TEC: variants seen among roughly 807,000 people sequenced by gnomAD.
TEC encodes tec protein tyrosine kinase.
TEC carries 72 observed loss-of-function variants against 93.0 expected under a neutral mutation model. The observed-to-expected ratio is 0.77, with a 90% confidence interval of 0.64 to 0.94. The LOEUF (loss-of-function observed/expected upper bound fraction) is 0.94, where lower values mean the gene tolerates loss of function less well. TEC is among the 40% of genes least tolerant of loss of function. The pLI is 0.00. For synonymous variants in TEC, 249 were observed against 247.7 expected (o/e 1.01, Z -0.05); for missense variants, 630 against 757.9 (o/e 0.83, Z 1.98).
rs147249693 is a variant in TEC, at chr4:48,163,435, G to C, written c.737+267C>G. On this transcript the variant is annotated intron_variant, in intron 8 of 17. Coordinates refer to ENST00000381501, the MANE Select transcript of TEC (RefSeq NM_003215.3). ...TCTGTATTTCAAAGTCAGCTAATCT[G>C]TGATTTATTTCAAATCAATTCAATT... 3.6e-3 allele frequency among the ~76,000 whole-genome samples: 553 copies of C among 152,232 alleles called. 17 individuals are homozygous for C. The highest frequency in any genetic ancestry group is 0.034 in the Admixed American group (515 of 15,284).
At chr4:48,230,113 C>A (rs1264141245) in intron 1 of TEC, among the ~76,000 whole-genome samples, 2 of 149,558 alleles carry the variant, frequency 1.3e-5, no homozygotes, top group Non-Finnish European at 3.0e-5. Flanking sequence ...AAATAAATAA[C>A]TGCATATTAA....
At chr4:48,211,973 C>T (rs1042170741) in intron 2 of TEC, among the ~76,000 whole-genome samples, 38 of 151,514 alleles carry the variant, frequency 2.5e-4, no homozygotes, top group Admixed American at 1.2e-3. Flanking sequence ...GTGGCACGCA[C>T]CTGTAGTCCC....
chr4:48,197,297 G>A (rs748860158), intron 2 of TEC, among the ~76,000 whole-genome samples: 4 of 152,104 alleles, frequency 2.6e-5, no homozygotes, highest in Non-Finnish European at 4.4e-5. Flanking sequence ...TGCAACCTTG[G>A]GCAAAGTACT....
intron 8 of TEC, among the ~76,000 whole-genome samples, chr4:48,159,085 A>C (rs1487374521): frequency 1.6e-5 from 2 of 126,904 alleles, no homozygotes; most frequent in Non-Finnish European, 3.1e-5. Context: ...CCAGGCAAGA[A>C]AAAAAAAAAA....
At chr4:48,237,789 C>A (rs1438011894) in intron 1 of TEC, among the ~76,000 whole-genome samples, 1 of 152,172 alleles carries the variant, frequency 6.6e-6, no homozygotes, top group Non-Finnish European at 1.5e-5. Context: ...GAACAGGTGA[C>A]CTTATTTCAC....
At chr4:48,253,192 A>G (rs1577672835) in intron 1 of TEC, among the ~76,000 whole-genome samples, 1 of 152,308 alleles carries the variant, frequency 6.6e-6, no homozygotes, top group South Asian at 2.1e-4. Context: ...CTTACTTTTT[A>G]TTCATCAGGC....
At chr4:48,160,884 C>G (rs887406126) in intron 8 of TEC, among the ~76,000 whole-genome samples, 1 of 90,788 alleles carries the variant, frequency 1.1e-5, no homozygotes, top group African/African-American at 4.1e-5. Flanking sequence ...TCAAAAGCAG[C>G]GGGTTGAAAA....
At chr4:48,180,967 C>T (rs896883070) in intron 2 of TEC, among the ~76,000 whole-genome samples, 1 of 152,064 alleles carries the variant, frequency 6.6e-6, no homozygotes, top group African/African-American at 2.4e-5. Context: ...AGCAAAGACA[C>T]CAGATAATTT....
At chr4:48,192,520 T>A (rs889852466) in intron 2 of TEC, among the ~76,000 whole-genome samples, 1 of 152,186 alleles carries the variant, frequency 6.6e-6, no homozygotes, top group Non-Finnish European at 1.5e-5. Flanking sequence ...ACCTGTATAA[T>A]GCTGAAAAAA....
intron 1 of TEC, among the ~76,000 whole-genome samples, chr4:48,230,339 ACAT>A (rs1345240751): frequency 6.6e-6 from 1 of 152,194 alleles, no homozygotes; most frequent in Non-Finnish European, 1.5e-5. Flanking sequence ...TTCTCTCTGA[ACAT>A]CAGTTCCTTC....
chr4:48,208,145 A>C (rs1722778373), intron 2 of TEC, among the ~76,000 whole-genome samples: 1 of 152,202 alleles, frequency 6.6e-6, no homozygotes, highest in Admixed American at 6.5e-5. Flanking sequence ...GGTCTCCTCT[A>C]TCCCACTTAG....
intron 2 of TEC, among the ~76,000 whole-genome samples, chr4:48,215,491 A>G (rs1419685172): frequency 5.3e-5 from 8 of 152,246 alleles, no homozygotes; most frequent in South Asian, 2.1e-4. Flanking sequence ...TGGGCAATAG[A>G]GTGAGACCCT....
intron 5 of TEC, among the ~76,000 whole-genome samples, chr4:48,169,010 G>A (rs1210956974): frequency 6.6e-6 from 1 of 152,180 alleles, no homozygotes; most frequent in African/African-American, 2.4e-5. Flanking sequence ...TAGAGTTTTG[G>A]CTGACACATG....
At chr4:48,216,843 T>A (rs1036558746) in intron 2 of TEC, among the ~76,000 whole-genome samples, 2 of 152,234 alleles carry the variant, frequency 1.3e-5, no homozygotes, top group African/African-American at 4.8e-5. Flanking sequence ...ATAGCCTTTC[T>A]CTCATCATAA....
chr4:48,193,343 C>A (rs1344709416), intron 2 of TEC, among the ~76,000 whole-genome samples: 1 of 151,764 alleles, frequency 6.6e-6, no homozygotes, highest in Non-Finnish European at 1.5e-5. Flanking sequence ...TTTTTTCTTT[C>A]TTCTGCTGCA....
At chr4:48,261,161 T>C (rs1724487656) in intron 1 of TEC, among the ~76,000 whole-genome samples, 1 of 152,148 alleles carries the variant, frequency 6.6e-6, no homozygotes. Context: ...CAAGAATTAT[T>C]TCATGCAATG....
At chr4:48,167,421 G>A (rs1274896662) in intron 7 of TEC, among the ~76,000 whole-genome samples, 1 of 151,828 alleles carries the variant, frequency 6.6e-6, no homozygotes, top group Non-Finnish European at 1.5e-5. Flanking sequence ...GAGAGAGAGA[G>A]TCTAAGAAAA....
chr4:48,214,697 C>T (rs183307158), intron 2 of TEC, among the ~76,000 whole-genome samples: 371 of 150,246 alleles, frequency 2.5e-3, no homozygotes, highest in Non-Finnish European at 4.0e-3. Flanking sequence ...ACTAAAAATA[C>T]AAAAAAAATA....
intron 1 of TEC, among the ~76,000 whole-genome samples, chr4:48,260,081 A>G (rs899328029): frequency 6.6e-5 from 10 of 152,240 alleles, no homozygotes; most frequent in African/African-American, 2.4e-4. Flanking sequence ...CACATTACCA[A>G]CAAGAACACA....
Sources: gnomAD v4.1 joint callset for allele counts (sites outside exome capture counted in the v4.1 genomes callset) on GRCh38, gnomAD v4.1.1 for gene constraint, MANE v1.5 for transcripts, NCBI Gene and HGNC (gene_info 2026-07-23, HGNC 2026-07-21) for gene names.